The following COX7B2 variants were observed in gnomAD, a reference collection of about 807,000 sequenced individuals.
COX7B2 encodes the protein cytochrome c oxidase subunit 7B2, mitochondrial.
For missense variants in COX7B2, 109 were observed against 95.9 expected (o/e 1.14, Z -0.57); for synonymous variants, 37 against 32.1 (o/e 1.15, Z -0.51).
At chr4:46,801,927 G>A (rs1387688473) in intron 2 of COX7B2, among the ~76,000 whole-genome samples, 2 of 152,062 alleles carry the variant, frequency 1.3e-5, no homozygotes, top group Admixed American at 1.3e-4. Context: ...TCCCTTATTT[G>A]TATAGCTCTT....
intron 2 of COX7B2, among the ~76,000 whole-genome samples, chr4:46,800,286 A>G (rs1718585045): frequency 6.6e-6 from 1 of 152,208 alleles, no homozygotes; most frequent in Non-Finnish European, 1.5e-5. Context: ...CTCATATGGA[A>G]CCAAAAATGA....
chr4:46,811,397 C>T (rs1445356202), intron 2 of COX7B2, among the ~76,000 whole-genome samples: 7 of 151,214 alleles, frequency 4.6e-5, no homozygotes, highest in African/African-American at 1.2e-4. Context: ...TTCAAAAATT[C>T]TTTCTTTTTG....
chr4:46,898,816 G>A (rs1321463095), intron 1 of COX7B2, among the ~76,000 whole-genome samples: 1 of 151,996 alleles, frequency 6.6e-6, no homozygotes, highest in African/African-American at 2.4e-5. Flanking sequence ...CATCTGATTT[G>A]CACTCTTTGG....
chr4:46,797,136 G>T lies in COX7B2; in HGVS notation c.-50+47824C>A, dbSNP rs1159802158. 1.4e-5 allele frequency among the ~76,000 whole-genome samples: 2 copies of T among 140,176 alleles called. 1 individual carries two copies. Among genetic ancestry groups the T allele is most frequent in the African/African-American group, 5.2e-5 (2 of 38,262 alleles). The allele number at this position is 140,176 out of a possible 152,430, so 92.0% of individuals were successfully genotyped here. A position where few individuals can be genotyped will look rare whatever the true frequency, so the allele number is the denominator to read the frequency against. On this transcript the variant is annotated intron_variant, in intron 2 of 2. Coordinates refer to ENST00000355591, the MANE Select transcript of COX7B2 (RefSeq NM_130902.3). ...AAAAAAAAAAAAAAGGAGAGTCAGG[G>T]TTATCTCAAGGAAGGATTCTGGTAC... is the stretch of plus-strand genomic sequence containing the variant.
intron 2 of COX7B2, among the ~76,000 whole-genome samples, chr4:46,787,451 TA>T (rs939264250): frequency 1.3e-5 from 2 of 148,204 alleles, no homozygotes; most frequent in Non-Finnish European, 3.0e-5. Context: ...CTGTCTCAAA[TA>T]AAAAAAAATA....
chr4:46,886,895 A>T (rs1418012080), intron 1 of COX7B2, among the ~76,000 whole-genome samples: 1 of 152,208 alleles, frequency 6.6e-6, no homozygotes, highest in African/African-American at 2.4e-5. Flanking sequence ...GAAAACCCTT[A>T]TGTGTACATG....
chr4:46,816,803 A>T (rs1227299625), intron 2 of COX7B2, among the ~76,000 whole-genome samples: 3 of 152,196 alleles, frequency 2.0e-5, no homozygotes, highest in Admixed American at 2.0e-4. Context: ...CTAGAAATAA[A>T]TCTGTGTTAC....
chr4:46,843,087 C>T (rs954829548), intron 2 of COX7B2, among the ~76,000 whole-genome samples: 3 of 151,892 alleles, frequency 2.0e-5, no homozygotes, highest in African/African-American at 7.2e-5. Context: ...TTTTAATGAT[C>T]ACCATTCTAA....
intron 2 of COX7B2, 133 bp from the exon 3 acceptor site, chr4:46,735,374 A>T: frequency 1.5e-6 from 1 of 653,844 alleles, no homozygotes; most frequent in Non-Finnish European, 2.6e-6. Context: ...TCTGAATTTG[A>T]ATCCCAGCTT....
chr4:46,820,818 T>C lies in COX7B2; in HGVS notation c.-50+24142A>G, dbSNP rs1433016110. Among the ~76,000 whole-genome samples the C allele has an allele frequency of 1.3e-4, 17 of 127,180 alleles. No individual in the cohort carries two copies. In the East Asian group the frequency reaches 4.1e-3, roughly 30 times the overall value. 83.4% of individuals were successfully genotyped at this position (127,180 alleles called of 152,430 possible). ...CCTGGACAAAAAAAGCAAAACTCCA[T>C]CTCAAAAAAAAAAAAAATATATATA... On this transcript the variant is annotated intron_variant, in intron 2 of 2. Transcript: ENST00000355591.
At chr4:46,864,632 G>A (rs1717536334) in intron 1 of COX7B2, among the ~76,000 whole-genome samples, 1 of 142,042 alleles carries the variant, frequency 7.0e-6, no homozygotes, top group African/African-American at 2.5e-5. Flanking sequence ...AGAGTTGTTG[G>A]TCAGAGTTGT....
intron 1 of COX7B2, among the ~76,000 whole-genome samples, chr4:46,853,465 A>G (rs1014775511): frequency 2.0e-5 from 3 of 152,170 alleles, no homozygotes; most frequent in Non-Finnish European, 4.4e-5. Context: ...ATGTGTGTAT[A>G]AAATACACAT....
chr4:46,794,750 A>G (rs917385755), intron 2 of COX7B2, among the ~76,000 whole-genome samples: 1 of 152,174 alleles, frequency 6.6e-6, no homozygotes, highest in Non-Finnish European at 1.5e-5. Flanking sequence ...CAATAATAAT[A>G]ATCTGACTCA....
At chr4:46,876,690 G>C (rs1385921190) in intron 1 of COX7B2, 2 of 151,952 alleles carry the variant, frequency 1.3e-5, no homozygotes, top group Non-Finnish European at 2.9e-5. Flanking sequence ...ACAGGCATGA[G>C]CCACCGCGCC....
intron 2 of COX7B2, among the ~76,000 whole-genome samples, chr4:46,777,267 A>G (rs1174032881): frequency 2.0e-5 from 3 of 152,174 alleles, no homozygotes; most frequent in Admixed American, 6.6e-5. Flanking sequence ...CTTTTAAAAA[A>G]TAAATGGAAG....
intron 1 of COX7B2, among the ~76,000 whole-genome samples, chr4:46,904,452 A>G (rs1720255962): frequency 6.6e-6 from 1 of 152,170 alleles, no homozygotes; most frequent in African/African-American, 2.4e-5. Context: ...AAAGATATAC[A>G]ACTCATTCAC....
chr4:46,758,798 A>T (rs2109463287), intron 2 of COX7B2, among the ~76,000 whole-genome samples: 1 of 152,256 alleles, frequency 6.6e-6, no homozygotes, highest in East Asian at 1.9e-4. Flanking sequence ...GACTCACAAT[A>T]CATGGAAAAT....
At chr4:46,896,939 C>G (rs995338831) in intron 1 of COX7B2, among the ~76,000 whole-genome samples, 13 of 152,130 alleles carry the variant, frequency 8.5e-5, no homozygotes, top group Admixed American at 5.9e-4. Flanking sequence ...TAATCTCAGC[C>G]TTTGTGTGAA....
chr4:46,759,741 C>T (rs551812833), intron 2 of COX7B2, among the ~76,000 whole-genome samples: 27 of 151,182 alleles, frequency 1.8e-4, no homozygotes, highest in African/African-American at 5.1e-4. Flanking sequence ...CTCTCAGGAA[C>T]GCTTGTTAGG....
Sources: allele counts gnomAD v4.1 joint callset (sites outside exome capture counted in the v4.1 genomes callset), GRCh38; gene constraint gnomAD v4.1.1; transcripts MANE v1.5; gene names NCBI Gene and HGNC (gene_info 2026-07-23, HGNC 2026-07-21).